The following CELF4 variants were observed in gnomAD, a reference collection of about 807,000 sequenced individuals.
CELF4 encodes the protein CUG-BP- and ETR-3-like factor 4.
In CELF4, 18 loss-of-function variants were observed where a neutral mutation model predicts 59.9. The ratio of observed to expected loss-of-function variants is 0.30; its 90% CI spans 0.21 to 0.45. The LOEUF is 0.45. Ranked by LOEUF, CELF4 falls within the 20% of genes least tolerant of loss-of-function variation. The pLI is 1.00. For missense variants in CELF4, 456 were observed against 689.0 expected, an observed-to-expected ratio of 0.66 and a Z score of 3.79; for synonymous variants, 261 against 267.1, an observed-to-expected ratio of 0.98 and a Z score of 0.22.
At chr18:37,274,101 C>T in intron 6 of CELF4, 1 of 1,386,944 alleles carries the variant, frequency 7.2e-7, no homozygotes. Flanking sequence ...AGCAGCCCAC[C>T]TCCTCCTGGC....
chr18:37,367,084 T>G (rs1003248800), intron 2 of CELF4, among the ~76,000 whole-genome samples: 1 of 152,134 alleles, frequency 6.6e-6, no homozygotes, highest in African/African-American at 2.4e-5. Flanking sequence ...AGAAGAAACT[T>G]GGCAAGCTAT....
intron 2 of CELF4, among the ~76,000 whole-genome samples, chr18:37,450,287 T>C (rs1362981967): frequency 6.6e-6 from 1 of 151,940 alleles, no homozygotes; most frequent in East Asian, 1.9e-4. Flanking sequence ...GCGGTCCCAT[T>C]GTGGCTGGAA....
intron 12 of CELF4, among the ~76,000 whole-genome samples, chr18:37,251,732 A>G (rs1039979354): frequency 1.3e-5 from 2 of 152,204 alleles, no homozygotes; most frequent in Admixed American, 6.5e-5. Context: ...TCCTATGGAA[A>G]TGCCCCCATC....
At chr18:37,257,527 G>T (rs2070690577) in intron 11 of CELF4, among the ~76,000 whole-genome samples, 1 of 152,162 alleles carries the variant, frequency 6.6e-6, no homozygotes, top group African/African-American at 2.4e-5. Flanking sequence ...AGAGGGGAAG[G>T]GACAATGGTG....
chr18:37,523,601 A>G (rs1170287354), intron 1 of CELF4, among the ~76,000 whole-genome samples: 1 of 152,204 alleles, frequency 6.6e-6, no homozygotes, highest in Non-Finnish European at 1.5e-5. Context: ...GGCCCATCAT[A>G]GGATGCCCAT....
chr18:37,380,765 A>C (rs956610156), intron 2 of CELF4, among the ~76,000 whole-genome samples: 3 of 136,058 alleles, frequency 2.2e-5, no homozygotes, highest in African/African-American at 5.6e-5. Context: ...TCCATTCAAC[A>C]TCTCTCCTTC....
chr18:37,308,713 G>A (rs1603436500), intron 3 of CELF4, among the ~76,000 whole-genome samples: 2 of 152,202 alleles, frequency 1.3e-5, no homozygotes, highest in South Asian at 2.1e-4. Flanking sequence ...AGACATCTAG[G>A]CCAGTCACCC....
At chr18:37,458,483 C>T (rs76459856) in intron 2 of CELF4, among the ~76,000 whole-genome samples, 4,299 of 152,312 alleles carry the variant, frequency 0.028, 202 homozygotes, top group African/African-American at 0.096. Flanking sequence ...GGTATTTCAC[C>T]TCCTGGCATG....
At chr18:37,411,894 G>A (rs771828027) in intron 2 of CELF4, among the ~76,000 whole-genome samples, 37 of 152,190 alleles carry the variant, frequency 2.4e-4, no homozygotes, top group Non-Finnish European at 4.9e-4. Flanking sequence ...GGGGCTCCTA[G>A]CCACTGTTTC....
At chr18:37,455,750 C>T (rs1280176445) in intron 2 of CELF4, among the ~76,000 whole-genome samples, 1 of 152,204 alleles carries the variant, frequency 6.6e-6, no homozygotes, top group East Asian at 1.9e-4. Context: ...GAAATCTTGC[C>T]ACAGAGAATG....
At position 37,359,402 on chromosome 18, in the gene CELF4, C is replaced by T. The variant is rs190611104; in HGVS notation, c.370-37521G>A. Among the ~76,000 whole-genome samples, 1,225 of 151,394 alleles carry T rather than the reference C, an allele frequency of 8.1e-3. 14 individuals carry two copies. The highest frequency in any genetic ancestry group is 0.028 in the African/African-American group (1,141 of 41,268). On this transcript the variant is annotated intron_variant, in intron 2 of 12. Coordinates refer to ENST00000420428, the MANE Select transcript of CELF4 (RefSeq NM_020180.4). ...TGTCACCCAGGCTGGAGTGCAGTGG[C>T]GGGATTATAGCTCACTGTAGTCTCA...
At chr18:37,319,574 G>T (rs994794446) in intron 3 of CELF4, among the ~76,000 whole-genome samples, 1 of 152,206 alleles carries the variant, frequency 6.6e-6, no homozygotes, top group Admixed American at 6.5e-5. Flanking sequence ...CCTGACTGAG[G>T]GGATGAAGGA....
intron 6 of CELF4, chr18:37,273,501 A>C: frequency 9.6e-7 from 1 of 1,039,026 alleles, no homozygotes; most frequent in South Asian, 4.3e-5. Context: ...AAAGCACTAG[A>C]GACATGCTGG....
At chr18:37,420,124 G>A (rs1941945) in intron 2 of CELF4, among the ~76,000 whole-genome samples, 39,611 of 152,130 alleles carry the variant, frequency 0.26, 5,551 homozygotes, top group Non-Finnish European at 0.31. Flanking sequence ...CTGCTATGTG[G>A]TGGGGGAACC....
At chr18:37,273,534 T>C (rs1186474389) in intron 6 of CELF4, 2 of 1,007,580 alleles carry the variant, frequency 2.0e-6, no homozygotes, top group East Asian at 2.0e-4. Flanking sequence ...AGAACTCACT[T>C]AGCACAGGTT....
chr18:37,333,206 G>C (rs1229757468), intron 2 of CELF4, among the ~76,000 whole-genome samples: 2 of 152,154 alleles, frequency 1.3e-5, no homozygotes, highest in Admixed American at 1.3e-4. Flanking sequence ...GCATATCCAC[G>C]TATCCCCTCA....
chr18:37,403,297 G>GC (rs1374259791), intron 2 of CELF4, among the ~76,000 whole-genome samples: 1 of 152,080 alleles, frequency 6.6e-6, no homozygotes, highest in East Asian at 1.9e-4. Flanking sequence ...CTGTCTCCCT[G>GC]CCCCCCTCCA....
chr18:37,516,377 C>T (rs1283639526), intron 1 of CELF4, among the ~76,000 whole-genome samples: 2 of 152,126 alleles, frequency 1.3e-5, no homozygotes, highest in African/African-American at 4.8e-5. Context: ...AGTCAGGGGC[C>T]CTGCTAGCTC....
chr18:37,560,841 A>G (rs1325184928), intron 1 of CELF4, among the ~76,000 whole-genome samples: 2 of 152,252 alleles, frequency 1.3e-5, no homozygotes, highest in African/African-American at 4.8e-5. Flanking sequence ...CATCTTGGGT[A>G]AAGTCAAGCG....
Sources: allele counts gnomAD v4.1 joint callset (sites outside exome capture counted in the v4.1 genomes callset), GRCh38; gene constraint gnomAD v4.1.1; transcripts MANE v1.5; gene names NCBI Gene and HGNC (gene_info 2026-07-23, HGNC 2026-07-21).